Variants in B3GALT1 observed in about 807,000 individuals in gnomAD.
B3GALT1 encodes beta-1,3-galactosyltransferase 1.
Under a neutral mutation model 23.2 loss-of-function variants are expected in B3GALT1, and 10 were observed. The observed-to-expected ratio is 0.43, with a 90% CI of 0.27 to 0.73. The LOEUF is 0.73. Ranked by LOEUF, B3GALT1 falls within the 30% of genes least tolerant of loss-of-function variation. B3GALT1 has a pLI of 0.21. For missense variants in B3GALT1, 299 were observed against 405.4 expected, an observed-to-expected ratio of 0.74 and a Z score of 2.25; for synonymous variants, 156 against 141.5, an observed-to-expected ratio of 1.10 and a Z score of -0.73.
intron 2 of B3GALT1, among the ~76,000 whole-genome samples, chr2:167,609,392 C>A (rs919751410): frequency 6.6e-6 from 1 of 152,010 alleles, no homozygotes; most frequent in Non-Finnish European, 1.5e-5. Context: ...AATAGAAAAG[C>A]CAACTTAAGC....
intron 1 of B3GALT1, among the ~76,000 whole-genome samples, chr2:167,409,807 G>C (rs1282727135): frequency 1.3e-5 from 2 of 151,762 alleles, no homozygotes; most frequent in African/African-American, 2.4e-5. Context: ...GGAGAAATAG[G>C]AACGCTTCTA....
chr2:167,841,799 T>C (rs1014883154), intron 4 of B3GALT1, among the ~76,000 whole-genome samples: 1 of 152,246 alleles, frequency 6.6e-6, no homozygotes, highest in Non-Finnish European at 1.5e-5. Flanking sequence ...TCAGATTCTA[T>C]ATTTGCCAAA....
intron 3 of B3GALT1, among the ~76,000 whole-genome samples, chr2:167,677,165 A>G (rs1468572087): frequency 6.6e-6 from 1 of 152,176 alleles, no homozygotes; most frequent in East Asian, 1.9e-4. Flanking sequence ...CAACATGAGA[A>G]CTGTTGTTAA....
chr2:167,487,860 TA>T (rs1699651271), intron 1 of B3GALT1, among the ~76,000 whole-genome samples: 1 of 152,178 alleles, frequency 6.6e-6, no homozygotes, highest in South Asian at 2.1e-4. Flanking sequence ...TGAGTATGCA[TA>T]ATGCTTGCTT....
intron 3 of B3GALT1, among the ~76,000 whole-genome samples, chr2:167,719,972 C>T (rs1687205963): frequency 1.3e-5 from 2 of 151,804 alleles, no homozygotes; most frequent in Middle Eastern, 3.4e-3. Context: ...GGCCCAGTAA[C>T]AGGTCCCTTG....
At chr2:167,622,694 A>G (rs902098582) in intron 2 of B3GALT1, among the ~76,000 whole-genome samples, 3 of 152,166 alleles carry the variant, frequency 2.0e-5, no homozygotes, top group South Asian at 2.1e-4. Flanking sequence ...GCATCTTACA[A>G]TTGATGGCAC....
intron 4 of B3GALT1, among the ~76,000 whole-genome samples, chr2:167,836,690 A>C (rs1274632585): frequency 3.4e-4 from 52 of 151,992 alleles, no homozygotes; most frequent in African/African-American, 1.2e-3. Flanking sequence ...CACAAAGATA[A>C]TCCTCAAGAA....
intron 3 of B3GALT1, among the ~76,000 whole-genome samples, chr2:167,670,137 T>G (rs1487175643): frequency 1.3e-5 from 2 of 152,198 alleles, no homozygotes; most frequent in Non-Finnish European, 2.9e-5. Flanking sequence ...ATGGTGCCTA[T>G]GAGCCTCTGA....
chr2:167,602,681 G>A (rs1257583543), intron 2 of B3GALT1, among the ~76,000 whole-genome samples: 1 of 151,872 alleles, frequency 6.6e-6, no homozygotes, highest in Non-Finnish European at 1.5e-5. Flanking sequence ...AAATATTTTG[G>A]CCTAATGATA....
intron 2 of B3GALT1, among the ~76,000 whole-genome samples, chr2:167,535,199 A>T (rs977513091): frequency 6.6e-6 from 1 of 152,356 alleles, no homozygotes; most frequent in African/African-American, 2.4e-5. Context: ...TCATAGAGTT[A>T]TAGATTTTTT....
At chr2:167,721,256 C>T (rs1465225892) in intron 3 of B3GALT1, among the ~76,000 whole-genome samples, 2 of 152,182 alleles carry the variant, frequency 1.3e-5, no homozygotes, top group African/African-American at 2.4e-5. Context: ...CTGATCAGAG[C>T]TTCTATTTGG....
chr2:167,752,152 T>C (rs1442742780), intron 3 of B3GALT1, among the ~76,000 whole-genome samples: 1 of 152,056 alleles, frequency 6.6e-6, no homozygotes, highest in Non-Finnish European at 1.5e-5. Context: ...AACTTGGAAA[T>C]TGCAGCATTT....
intron 1 of B3GALT1, among the ~76,000 whole-genome samples, chr2:167,383,983 A>G (rs1168621345): frequency 2.4e-4 from 37 of 152,230 alleles, no homozygotes. Flanking sequence ...TCATACTTTT[A>G]AAATGCAAAC....
chr2:167,338,926 G>A (rs762228847), intron 1 of B3GALT1, among the ~76,000 whole-genome samples: 8 of 152,076 alleles, frequency 5.3e-5, no homozygotes, highest in Non-Finnish European at 8.8e-5. Flanking sequence ...GAAATGAGAT[G>A]TCAGTATAAT....
At chr2:167,556,100 T>C (rs998069145) in intron 2 of B3GALT1, among the ~76,000 whole-genome samples, 1 of 152,128 alleles carries the variant, frequency 6.6e-6, no homozygotes, top group Admixed American at 6.6e-5. Flanking sequence ...TTTACAATTA[T>C]AGCACAATAA....
chr2:167,405,316 ATAC>A (rs1328042557), intron 1 of B3GALT1, among the ~76,000 whole-genome samples: 1 of 152,184 alleles, frequency 6.6e-6, no homozygotes, highest in Non-Finnish European at 1.5e-5. Flanking sequence ...TGTTTTAATA[ATAC>A]TTTTAATAAT....
At chr2:167,396,236 G>T (rs1455156893) in intron 1 of B3GALT1, among the ~76,000 whole-genome samples, 3 of 152,072 alleles carry the variant, frequency 2.0e-5, no homozygotes, top group Non-Finnish European at 4.4e-5. Context: ...ACCGTTGAAT[G>T]GAAACAGAGC....
intron 1 of B3GALT1, among the ~76,000 whole-genome samples, chr2:167,484,698 G>C (rs1253406078): frequency 6.6e-6 from 1 of 152,144 alleles, no homozygotes; most frequent in Non-Finnish European, 1.5e-5. Flanking sequence ...GCTACCCTTA[G>C]AGGCAATAGG....
chr2:167,559,677 G>A (rs13402459), intron 2 of B3GALT1, among the ~76,000 whole-genome samples: 4,036 of 152,250 alleles, frequency 0.027, 136 homozygotes, highest in East Asian at 0.084. Context: ...TCAGGACCCA[G>A]TGCGATCAAC....
Sources: gnomAD v4.1 joint callset for allele counts (sites outside exome capture counted in the v4.1 genomes callset) on GRCh38, gnomAD v4.1.1 for gene constraint, MANE v1.5 for transcripts, NCBI Gene and HGNC (gene_info 2026-07-23, HGNC 2026-07-21) for gene names.